The following GRK3 variants were observed in gnomAD, a reference collection of about 807,000 sequenced individuals.
The protein encoded by GRK3 is G protein-coupled receptor kinase 3.
GRK3 carries 54 observed loss-of-function variants against 95.7 expected under a neutral mutation model. The observed-to-expected ratio is 0.56, with a 90% CI of 0.45 to 0.71. The LOEUF (loss-of-function observed/expected upper bound fraction) is 0.71. GRK3 is among the 30% of genes least tolerant of loss of function. The pLI is 0.00. For synonymous variants in GRK3, 281 were observed against 290.8 expected, an observed-to-expected ratio of 0.97 and a Z score of 0.34; for missense variants, 649 against 851.2, an observed-to-expected ratio of 0.76 and a Z score of 2.96.
At chr22:25,664,882 C>T (rs762824789) in intron 5 of GRK3, among the ~76,000 whole-genome samples, 22 of 152,108 alleles carry the variant, frequency 1.4e-4, no homozygotes, top group Non-Finnish European at 1.9e-4. Context: ...GAGCAAATAC[C>T]GATTTGGCTC....
chr22:25,626,076 C>G (rs2084625719), intron 2 of GRK3, among the ~76,000 whole-genome samples: 1 of 152,186 alleles, frequency 6.6e-6, no homozygotes, highest in Admixed American at 6.5e-5. Flanking sequence ...TATTTCTACA[C>G]TCTCTCGTCG....
At chr22:25,650,242 C>T (rs2084820030) in intron 3 of GRK3, among the ~76,000 whole-genome samples, 1 of 152,116 alleles carries the variant, frequency 6.6e-6, no homozygotes, top group Non-Finnish European at 1.5e-5. Flanking sequence ...GGGGTTTCAC[C>T]ATGTTGTCCA....
At chr22:25,642,892 G>C (rs933072371) in intron 2 of GRK3, among the ~76,000 whole-genome samples, 1 of 152,146 alleles carries the variant, frequency 6.6e-6, no homozygotes, top group African/African-American at 2.4e-5. Flanking sequence ...CTTTCTTCAA[G>C]TGCCATACAG....
chr22:25,714,051 C>T (rs2085364224), intron 17 of GRK3, among the ~76,000 whole-genome samples: 1 of 152,178 alleles, frequency 6.6e-6, no homozygotes, highest in African/African-American at 2.4e-5. Context: ...AATATCCTTA[C>T]CATAATTGAA....
rs376545323 is a variant in GRK3 at position 25,720,938 on chromosome 22, T to C, written c.1792-346T>C. 3.4e-4 allele frequency among the ~76,000 whole-genome samples: 52 copies of C among 152,328 alleles called. No homozygotes were observed. The South Asian group carries it at 9.5e-3, about 28-fold the overall frequency. On this transcript the variant is annotated intron_variant, in intron 19 of 20. Coordinates refer to ENST00000324198, the MANE Select transcript of GRK3 (RefSeq NM_005160.4). ...GGCTCACATAAATCATATGTGGCTC[T>C]GTTGCTTCCTCACAATGTTATTGAC...
chr22:25,613,694 T>G (rs1481300880), intron 2 of GRK3, among the ~76,000 whole-genome samples: 1 of 152,020 alleles, frequency 6.6e-6, no homozygotes, highest in Non-Finnish European at 1.5e-5. Flanking sequence ...CAAGTCCGTC[T>G]TCTTTTCAGC....
At chr22:25,629,795 G>A (rs2084652264) in intron 2 of GRK3, among the ~76,000 whole-genome samples, 1 of 152,194 alleles carries the variant, frequency 6.6e-6, no homozygotes, top group Non-Finnish European at 1.5e-5. Context: ...GTAGCATGAA[G>A]GATGAGTTGG....
At chr22:25,633,906 T>C (rs1450747667) in intron 2 of GRK3, among the ~76,000 whole-genome samples, 1 of 152,204 alleles carries the variant, frequency 6.6e-6, no homozygotes, top group African/African-American at 2.4e-5. Flanking sequence ...TTATGGTGAG[T>C]GTTCACTATC....
At chr22:25,713,775 A>G (rs1418843723) in intron 17 of GRK3, among the ~76,000 whole-genome samples, 1 of 152,238 alleles carries the variant, frequency 6.6e-6, no homozygotes, top group South Asian at 2.1e-4. Context: ...AAATGCTACC[A>G]TTAAGTATAA....
chr22:25,614,940 C>T (rs2084526832), intron 2 of GRK3, among the ~76,000 whole-genome samples: 1 of 152,096 alleles, frequency 6.6e-6, no homozygotes, highest in Non-Finnish European at 1.5e-5. Context: ...ACCAGCTCAC[C>T]CTGCAAAAGA....
chr22:25,617,665 C>T (rs1601477521), intron 2 of GRK3, among the ~76,000 whole-genome samples: 1 of 152,214 alleles, frequency 6.6e-6, no homozygotes. Flanking sequence ...TTCACCTTTT[C>T]TAGAACTTCA....
At chr22:25,619,382 A>G (rs913032299) in intron 2 of GRK3, among the ~76,000 whole-genome samples, 3 of 152,108 alleles carry the variant, frequency 2.0e-5, no homozygotes, top group African/African-American at 7.2e-5. Flanking sequence ...TCAGAGGTGA[A>G]GGGATTTGCC....
At chr22:25,568,838 CAT>C (rs1458843260) in intron 1 of GRK3, among the ~76,000 whole-genome samples, 1 of 152,168 alleles carries the variant, frequency 6.6e-6, no homozygotes, top group Non-Finnish European at 1.5e-5. Context: ...TAGAATATAG[CAT>C]AATGCATAGA....
rs538620441 is a variant in GRK3, at chr22:25,596,903, C to T, written c.114-7474C>T. 5.9e-5 allele frequency among the ~76,000 whole-genome samples: 9 copies of T among 152,196 alleles called. 1 individual carries two copies. In the East Asian group the frequency reaches 1.5e-3, roughly 26 times the overall value. Reference sequence around the variant, plus strand: ...AATTCATTTTAAATAATATTATAAGCACTTATAGTACCAGCATGAGAACAA... The same window carrying T: ...AATTCATTTTAAATAATATTATAAGTACTTATAGTACCAGCATGAGAACAA... On this transcript the variant is annotated intron_variant, in intron 1 of 20. Transcript: ENST00000324198.
At position 25,685,230 on chromosome 22, in the gene GRK3, A is replaced by C. The variant is rs763563598; in HGVS notation, c.808A>C (p.Ile270Leu). 6.2e-7 allele frequency: 1 copy of C among 1,613,072 alleles called. No individual in the cohort carries two copies. Among genetic ancestry groups the C allele is most frequent in the Non-Finnish European group, 8.5e-7 (1 of 1,179,170 alleles). ...AFHTPDKLCF[I>L]LDLMNGGDLH... ...CCATACCCCAGATAAACTCTGCTTC[A>C]TCCTGGATCTGATGAACGGTAAGCA... is the stretch of plus-strand genomic sequence containing the variant. Residue 270 changes from isoleucine (I) to leucine (L), a missense_variant, in exon 10 of 21, where the codon ATC becomes CTC. Transcript: ENST00000324198.
At chr22:25,710,766 C>T (rs1428644796) in intron 16 of GRK3, among the ~76,000 whole-genome samples, 1 of 152,202 alleles carries the variant, frequency 6.6e-6, no homozygotes, top group Non-Finnish European at 1.5e-5. Context: ...AATGTGCTTT[C>T]TTAAGCTGAG....
In GRK3 at chr22:25,725,568, G is replaced by A. The variant is rs1361990429; in HGVS notation, c.*3118G>A. On this transcript the variant is annotated 3_prime_UTR_variant, in exon 21 of 21. Transcript: ENST00000324198. ...TTTTCAACAAAACTTCTAGAAGTCA[G>A]CTTATTATGTCACCATTCATGCAAA... The A allele has an allele frequency of 5.0e-6, 2 of 398,412 alleles. No individual in the cohort carries two copies. The highest frequency in any genetic ancestry group is 4.1e-5 in the African/African-American group (2 of 48,604). The allele number at this position is 398,412 out of a possible 1,614,324, so 24.7% of individuals were successfully genotyped here.
At chr22:25,719,508 A>G (rs755094022) in intron 19 of GRK3, among the ~76,000 whole-genome samples, 3 of 152,196 alleles carry the variant, frequency 2.0e-5, no homozygotes, top group Admixed American at 6.5e-5. Flanking sequence ...AGACAGCAAG[A>G]TGTAGCTGCC....
At chr22:25,700,411 C>A (rs1031431175) in intron 13 of GRK3, among the ~76,000 whole-genome samples, 1 of 152,156 alleles carries the variant, frequency 6.6e-6, no homozygotes, top group African/African-American at 2.4e-5. Flanking sequence ...TTGATTGTCT[C>A]CCCGTGGAGT....
Sources: gnomAD v4.1 joint callset for allele counts (sites outside exome capture counted in the v4.1 genomes callset) on GRCh38, gnomAD v4.1.1 for gene constraint, MANE v1.5 for transcripts, NCBI Gene and HGNC (gene_info 2026-07-23, HGNC 2026-07-21) for gene names.